ADCK1: variants seen among roughly 807,000 people sequenced by gnomAD.
ADCK1 encodes aarF domain-containing protein kinase 1.
ADCK1 carries 41 observed loss-of-function variants against 52.3 expected under a neutral mutation model. The observed-to-expected ratio is 0.78, with a 90% CI of 0.61 to 1.02. The LOEUF is 1.02. Ranked by LOEUF, ADCK1 falls within the 50% of genes least tolerant of loss-of-function variation. ADCK1 has a pLI of 0.00. For synonymous variants in ADCK1, 250 were observed against 274.6 expected (o/e 0.91, Z 0.89); for missense variants, 658 against 679.5 (o/e 0.97, Z 0.35).
At chr14:77,922,646 C>T (rs1338781137) in intron 7 of ADCK1, among the ~76,000 whole-genome samples, 1 of 152,186 alleles carries the variant, frequency 6.6e-6, no homozygotes, top group African/African-American at 2.4e-5. Flanking sequence ...GAAGTGGGTG[C>T]AAGCCAGCGT....
At chr14:77,823,182 A>AT (rs2081617954) in intron 3 of ADCK1, among the ~76,000 whole-genome samples, 1 of 152,194 alleles carries the variant, frequency 6.6e-6, no homozygotes, top group East Asian at 1.9e-4. Flanking sequence ...ACAAGAGGGC[A>AT]TTTTTTGTGG....
chr14:77,920,419 T>C (rs1484978769), intron 7 of ADCK1, among the ~76,000 whole-genome samples: 1 of 152,196 alleles, frequency 6.6e-6, no homozygotes, highest in East Asian at 1.9e-4. Context: ...AGAATTTGGC[T>C]TTATTTCTTG....
At chr14:77,847,997 G>A (rs2082206320) in intron 3 of ADCK1, among the ~76,000 whole-genome samples, 1 of 152,194 alleles carries the variant, frequency 6.6e-6, no homozygotes, top group African/African-American at 2.4e-5. Flanking sequence ...GTGTTGTGAG[G>A]AACCGGGGAG....
Position 77,924,519 on chromosome 14 carries a change from C to A in ADCK1, c.921C>A (p.Cys307Ter), listed in dbSNP as rs185530049. The A allele has an allele frequency of 6.2e-7, 1 of 1,614,102 alleles. No homozygotes were observed. The highest frequency in any genetic ancestry group is 2.2e-5 in the East Asian group (1 of 44,882). Residue 307 changes from cysteine (C) to a stop codon, truncating the protein, a stop_gained, in exon 8 of 11, where the codon TGC (cysteine) becomes TGA (stop). Coordinates refer to ENST00000238561, the MANE Select transcript of ADCK1 (RefSeq NM_020421.4). LOFTEE classifies it high-confidence loss of function. ...TCTTCGTCAATGGCTTCGTGCACTGCGATCCCCACCCCGGCAATGTACTGG... is the reference window on the plus strand; with the variant it reads ...TCTTCGTCAATGGCTTCGTGCACTGAGATCCCCACCCCGGCAATGTACTGG... The part of the protein sequence containing the change: ...EMIFVNGFVH[C>*]DPHPGNVLVR...
At chr14:77,887,411 C>T (rs1318031302) in intron 5 of ADCK1, among the ~76,000 whole-genome samples, 162 bp downstream of exon 5, 3 of 152,022 alleles carry the variant, frequency 2.0e-5, no homozygotes, top group Non-Finnish European at 4.4e-5. Context: ...GTTATGACAG[C>T]TCCCTGACCA....
intron 4 of ADCK1, among the ~76,000 whole-genome samples, chr14:77,870,339 G>A (rs1040922475): frequency 6.6e-6 from 1 of 152,218 alleles, no homozygotes; most frequent in African/African-American, 2.4e-5. Context: ...GGTTTCTGGG[G>A]GACGTTAAAG....
At chr14:77,878,937 A>T (rs2082959066) in intron 4 of ADCK1, among the ~76,000 whole-genome samples, 2 of 152,084 alleles carry the variant, frequency 1.3e-5, no homozygotes, top group Admixed American at 1.3e-4. Context: ...CCCCCCACGA[A>T]TGAATGACAG....
Position 77,866,226 on chromosome 14 carries a change from G to A in ADCK1, c.423+6947G>A, listed in dbSNP as rs145225389. On this transcript the variant is annotated intron_variant, in intron 4 of 10. Coordinates refer to ENST00000238561, the MANE Select transcript of ADCK1 (RefSeq NM_020421.4). ...CTAGGCAATTGTAACACAATGGTGCGTATTTATCTGTCTAAACATAGAAAA... is the reference window on the plus strand; with the variant it reads ...CTAGGCAATTGTAACACAATGGTGCATATTTATCTGTCTAAACATAGAAAA... Among the ~76,000 whole-genome samples, 452 of 152,270 alleles carry A rather than the reference G, an allele frequency of 3.0e-3. 3 individuals carry two copies. The highest frequency in any genetic ancestry group is 0.01 in the African/African-American group (425 of 41,550).
Position 77,807,067 on chromosome 14 carries a change from CT to C in ADCK1, c.-12+6916del, listed in dbSNP as rs36088814. Among the ~76,000 whole-genome samples, 23 of 83,208 alleles carry C rather than the reference CT, an allele frequency of 2.8e-4. No homozygotes were observed. The South Asian group carries it at 5.7e-3, about 21-fold the overall frequency. The allele number at this position is 83,208 out of a possible 152,430, so 54.6% of individuals were successfully genotyped here. On this transcript the variant is annotated intron_variant, in intron 1 of 10. Coordinates refer to ENST00000238561, the MANE Select transcript of ADCK1 (RefSeq NM_020421.4). Reference sequence around the variant, plus strand: ...TTTTTTTTTTTTTTGGAGACAGAGTCTTTTTTTTTTTTTTTTTTTGAGACGG... The same window carrying C: ...TTTTTTTTTTTTTTGGAGACAGAGTCTTTTTTTTTTTTTTTTTTGAGACGG...
chr14:77,904,742 C>G (rs1275256282), intron 6 of ADCK1, among the ~76,000 whole-genome samples: 2 of 152,154 alleles, frequency 1.3e-5, no homozygotes, highest in African/African-American at 2.4e-5. Context: ...AGAACCTGGA[C>G]CCAGGGGTCC....
chr14:77,893,737 C>CTTCCTTCCTTCCTTTCT lies in ADCK1; in HGVS notation c.583-5361_583-5360insCCTTCCTTCCTTTCTTT, dbSNP rs35559156. Among the ~76,000 whole-genome samples the CTTCCTTCCTTCCTTTCT allele has an allele frequency of 4.5e-3, 227 of 50,378 alleles. 4 individuals carry two copies. Among genetic ancestry groups the CTTCCTTCCTTCCTTTCT allele is most frequent in the African/African-American group, 0.017 (210 of 12,406 alleles). The allele number at this position is 50,378 out of a possible 152,430, so 33.0% of individuals were successfully genotyped here. On this transcript the variant is annotated intron_variant, in intron 5 of 10. Transcript: ENST00000238561. ...TCTTGTTTCTTCCCTTCCTTCCTTC[C>CTTCCTTCCTTCCTTTCT]TTTTTTTTTTTTTTTTGACAGAGTC... is the stretch of plus-strand genomic sequence containing the variant.
intron 4 of ADCK1, among the ~76,000 whole-genome samples, chr14:77,874,187 G>A (rs192093014): frequency 2.6e-5 from 4 of 152,318 alleles, no homozygotes; most frequent in African/African-American, 9.6e-5. Context: ...GGGCTGCTTT[G>A]CTTGAGTTCT....
chr14:77,916,595 C>A (rs1330921022), intron 7 of ADCK1, among the ~76,000 whole-genome samples: 1 of 152,164 alleles, frequency 6.6e-6, no homozygotes, highest in Non-Finnish European at 1.5e-5. Context: ...GCTGGGACTA[C>A]AGGGGCACGC....
chr14:77,925,982 CT>C (rs1243670658), intron 9 of ADCK1, 21 bp downstream of exon 9: 1 of 1,612,928 alleles, frequency 6.2e-7, no homozygotes, highest in East Asian at 2.2e-5. Context: ...CCTCCAGGCC[CT>C]GCCTCTTCCT....
At chr14:77,893,135 A>T (rs1412525944) in intron 5 of ADCK1, among the ~76,000 whole-genome samples, 1 of 151,420 alleles carries the variant, frequency 6.6e-6, no homozygotes, top group Non-Finnish European at 1.5e-5. Flanking sequence ...AGTTGGGGCA[A>T]CTCTACTTCT....
intron 1 of ADCK1, among the ~76,000 whole-genome samples, chr14:77,810,638 T>C (rs8018563): frequency 0.98 from 148,262 of 151,908 alleles, 72,375 homozygotes; most frequent in East Asian, 1. Context: ...TCACGCCATT[T>C]TCCTACCTCA....
chr14:77,933,457 C>T lies in ADCK1; in HGVS notation c.*66C>T, dbSNP rs1361740910. 10 of 1,585,316 alleles carry T rather than the reference C, an allele frequency of 6.3e-6. No individual in the cohort carries two copies. Among genetic ancestry groups the T allele is most frequent in the Non-Finnish European group, 8.6e-6 (10 of 1,158,916 alleles). On this transcript the variant is annotated 3_prime_UTR_variant, in exon 11 of 11. Coordinates refer to ENST00000238561, the MANE Select transcript of ADCK1 (RefSeq NM_020421.4). ...TCCTCAGCCCCTCATCTTGCCTCCA[C>T]CCAGCTGCTCCATTTTTGCCACATC...
intron 7 of ADCK1, among the ~76,000 whole-genome samples, chr14:77,917,240 C>T (rs1330792339): frequency 6.6e-6 from 1 of 151,942 alleles, no homozygotes; most frequent in Admixed American, 6.6e-5. Context: ...TTTCAAAAAG[C>T]TCTAGGTCTG....
rs2083908265 is a variant in ADCK1, at chr14:77,915,699, GA to G, written c.858+7781del. ...TCTTTAAAAGAGCTCAGGGATGTTA[GA>G]GGGGTCCAGGTGTATGAGATGAGTT... On this transcript the variant is annotated intron_variant, in intron 7 of 10. Transcript: ENST00000238561. Among the ~76,000 whole-genome samples, 4 of 152,238 alleles carry G rather than the reference GA, an allele frequency of 2.6e-5. No homozygotes were observed. In the South Asian group the frequency reaches 8.3e-4, roughly 32 times the overall value.
Sources: gnomAD v4.1 joint callset for allele counts (sites outside exome capture counted in the v4.1 genomes callset) on GRCh38, gnomAD v4.1.1 for gene constraint, MANE v1.5 for transcripts, NCBI Gene and HGNC (gene_info 2026-07-23, HGNC 2026-07-21) for gene names.